The following PTH2R variants were observed in gnomAD, a reference collection of about 807,000 sequenced individuals.
PTH2R encodes parathyroid hormone 2 receptor.
A neutral mutation model predicts 60.3 loss-of-function variants in PTH2R; 59 were observed. The ratio of observed to expected loss-of-function variants is 0.98; its 90% CI spans 0.79 to 1.22. PTH2R has a LOEUF of 1.22. Ranked by LOEUF, PTH2R falls within the 50% of genes most tolerant of loss-of-function variation. The pLI is 0.00. For synonymous variants in PTH2R, 256 were observed against 243.8 expected (o/e 1.05, Z -0.47); for missense variants, 749 against 682.6 (o/e 1.10, Z -1.08).
At chr2:208,485,164 G>T (rs866601055) in intron 10 of PTH2R, among the ~76,000 whole-genome samples, 1 of 152,172 alleles carries the variant, frequency 6.6e-6, no homozygotes, top group African/African-American at 2.4e-5. Context: ...ATTTTTTAAA[G>T]CTAAATTGAT....
At chr2:208,449,061 A>G (rs1702346446) in intron 7 of PTH2R, among the ~76,000 whole-genome samples, 1 of 152,214 alleles carries the variant, frequency 6.6e-6, no homozygotes, top group South Asian at 2.1e-4. Context: ...GAAGCAGAAG[A>G]TGCAGATATA....
At chr2:208,369,882 T>A (rs1574811902) in intron 1 of PTH2R, among the ~76,000 whole-genome samples, 1 of 152,028 alleles carries the variant, frequency 6.6e-6, no homozygotes, top group Admixed American at 6.5e-5. Flanking sequence ...AAGTTCTCAG[T>A]AATGAGAATG....
intron 1 of PTH2R, among the ~76,000 whole-genome samples, chr2:208,377,446 G>A (rs534888719): frequency 0.017 from 2,380 of 140,036 alleles, 33 homozygotes; most frequent in Non-Finnish European, 0.025. Flanking sequence ...CAGAAGGGGC[G>A]GCCGGGCAGA....
intron 1 of PTH2R, among the ~76,000 whole-genome samples, chr2:208,365,733 T>C (rs1700565158): frequency 6.7e-6 from 1 of 148,720 alleles, no homozygotes; most frequent in Non-Finnish European, 1.5e-5. Flanking sequence ...GGGGGATTGA[T>C]GTAAATTCTT....
In PTH2R at chr2:208,493,907, T is replaced by C; in HGVS notation, c.*248T>C. On this transcript the variant is annotated 3_prime_UTR_variant, in exon 13 of 13. Transcript: ENST00000272847. The stretch of plus-strand genomic sequence containing the variant: ...CTCTAAATTAATGTATGGTATTTGC[T>C]CTGTGATTGTTCATTTTTTTCTGCT... 3.0e-6 allele frequency: 1 copy of C among 337,284 alleles called. No homozygotes were observed. Among genetic ancestry groups the C allele is most frequent in the Non-Finnish European group, 5.2e-6 (1 of 191,548 alleles). 20.9% of individuals were successfully genotyped at this position (337,284 alleles called of 1,614,324 possible).
intron 8 of PTH2R, among the ~76,000 whole-genome samples, chr2:208,458,032 T>C (rs1702549485): frequency 6.6e-6 from 1 of 152,172 alleles, no homozygotes; most frequent in Admixed American, 6.6e-5. Flanking sequence ...ACTTAAGACT[T>C]TTATTTGTGC....
intron 4 of PTH2R, among the ~76,000 whole-genome samples, chr2:208,439,952 C>G (rs1702149693): frequency 6.6e-6 from 1 of 152,106 alleles, no homozygotes; most frequent in African/African-American, 2.4e-5. Flanking sequence ...ATGAATGTTT[C>G]AACGAGTTTA....
chr2:208,448,629 G>A (rs568119075), intron 7 of PTH2R, among the ~76,000 whole-genome samples: 3 of 146,820 alleles, frequency 2.0e-5, no homozygotes, highest in South Asian at 2.2e-4. Context: ...GCAAGAATCC[G>A]TCTCAAAAAA....
intron 1 of PTH2R, among the ~76,000 whole-genome samples, chr2:208,412,154 TATA>T (rs1410548913): frequency 6.6e-6 from 1 of 152,240 alleles, no homozygotes; most frequent in African/African-American, 2.4e-5. Flanking sequence ...TGATAGCTGT[TATA>T]ATATTACATT....
chr2:208,493,553 A>G lies in PTH2R; in HGVS notation c.1547A>G (p.Asp516Gly). ...PHSFHEETKEDSGRQGDDILM... is the reference protein window; with the variant it reads ...PHSFHEETKEGSGRQGDDILM... Reference sequence around the variant, plus strand: ...TCTTTCCACGAGGAGACCAAGGAAGATAGTGGGAGGCAGGGAGATGATATT... The same window carrying G: ...TCTTTCCACGAGGAGACCAAGGAAGGTAGTGGGAGGCAGGGAGATGATATT... The change falls in exon 13 of 13, where the codon GAT (aspartate) becomes GGT (glycine). Residue 516 changes from aspartate (D) to glycine (G), a missense_variant. Coordinates refer to ENST00000272847, the MANE Select transcript of PTH2R (RefSeq NM_005048.4). 1 of 1,613,874 alleles carries G rather than the reference A, an allele frequency of 6.2e-7. No homozygotes were observed. Among genetic ancestry groups the G allele is most frequent in the Non-Finnish European group, 8.5e-7 (1 of 1,179,818 alleles).
chr2:208,444,911 C>T (rs1299696704), intron 7 of PTH2R, 24 bp downstream of exon 7: 1 of 1,596,490 alleles, frequency 6.3e-7, no homozygotes, highest in African/African-American at 1.4e-5. Context: ...ATCTCTGTTC[C>T]TTTCAAACTG....
intron 4 of PTH2R, among the ~76,000 whole-genome samples, chr2:208,440,171 G>A (rs1702153715): frequency 1.3e-5 from 2 of 152,202 alleles, no homozygotes; most frequent in Non-Finnish European, 2.9e-5. Flanking sequence ...TGGGCATAGT[G>A]GCCTGTGTCT....
chr2:208,448,833 A>G (rs545442214), intron 7 of PTH2R, among the ~76,000 whole-genome samples: 1 of 152,028 alleles, frequency 6.6e-6, no homozygotes, highest in South Asian at 2.1e-4. Flanking sequence ...AAGGATCCCA[A>G]AGTAGTTTTC....
intron 8 of PTH2R, 62 bp downstream of exon 8, chr2:208,450,871 C>A: frequency 6.5e-7 from 1 of 1,546,850 alleles, no homozygotes; most frequent in Non-Finnish European, 8.9e-7. Context: ...AGGCTTCCTG[C>A]TCAGAATTCA....
intron 1 of PTH2R, among the ~76,000 whole-genome samples, chr2:208,392,058 C>T (rs1031277785): frequency 1.3e-5 from 2 of 152,120 alleles, no homozygotes; most frequent in African/African-American, 4.8e-5. Flanking sequence ...GTGGTCTGGC[C>T]GGAGGGATCT....
At chr2:208,479,513 C>A (rs1472226968) in intron 9 of PTH2R, among the ~76,000 whole-genome samples, 1 of 152,160 alleles carries the variant, frequency 6.6e-6, no homozygotes, top group Non-Finnish European at 1.5e-5. Context: ...CTTAGAGAGA[C>A]AGGAATTAAT....
chr2:208,378,426 T>C (rs920458450), intron 1 of PTH2R, among the ~76,000 whole-genome samples: 1 of 152,030 alleles, frequency 6.6e-6, no homozygotes, highest in African/African-American at 2.4e-5. Context: ...TCTTTCAATA[T>C]GTAAGGTAAG....
At chr2:208,366,207 A>G (rs1700589636) in intron 1 of PTH2R, among the ~76,000 whole-genome samples, 1 of 150,172 alleles carries the variant, frequency 6.7e-6, no homozygotes, top group African/African-American at 2.4e-5. Context: ...TTAATTACCA[A>G]CTCAATTTCC....
chr2:208,446,499 T>C (rs16841217), intron 7 of PTH2R, among the ~76,000 whole-genome samples: 5,121 of 152,314 alleles, frequency 0.034, 86 homozygotes, highest in Middle Eastern at 0.058. Context: ...TGACTTTTCA[T>C]GGAAACTGTC....
Sources: allele counts gnomAD v4.1 joint callset (sites outside exome capture counted in the v4.1 genomes callset), GRCh38; gene constraint gnomAD v4.1.1; transcripts MANE v1.5; gene names NCBI Gene and HGNC (gene_info 2026-07-23, HGNC 2026-07-21).